FOXP2: variants seen among roughly 807,000 people sequenced by gnomAD.
FOXP2 encodes forkhead box P2, also known as forkhead box protein P2.
Under a neutral mutation model 115.8 loss-of-function variants are expected in FOXP2, and 12 were observed. The observed-to-expected ratio is 0.10, with a 90% confidence interval of 0.07 to 0.17. The LOEUF (loss-of-function observed/expected upper bound fraction) is 0.17, where lower values mean the gene tolerates loss of function less well. Ranked by LOEUF, FOXP2 falls within the 10% of genes least tolerant of loss-of-function variation. FOXP2 has a pLI of 1.00. For missense variants in FOXP2, 629 were observed against 843.5 expected, an observed-to-expected ratio of 0.75 and a Z score of 3.15; for synonymous variants, 328 against 297.7, an observed-to-expected ratio of 1.10 and a Z score of -1.05.
intron 1 of FOXP2, among the ~76,000 whole-genome samples, chr7:114,194,841 A>G (rs1793861293): frequency 6.6e-6 from 1 of 152,314 alleles, no homozygotes; most frequent in East Asian, 1.9e-4. Context: ...ATTAGCTGGA[A>G]TACATTTATA....
chr7:114,302,322 C>T (rs1198745938), intron 2 of FOXP2, among the ~76,000 whole-genome samples: 1 of 152,032 alleles, frequency 6.6e-6, no homozygotes, highest in Admixed American at 6.6e-5. Context: ...GGTAAAACCA[C>T]TGGGTTTTAT....
chr7:114,620,303 C>T (rs1040988397), intron 3 of FOXP2, among the ~76,000 whole-genome samples: 19 of 152,004 alleles, frequency 1.2e-4, no homozygotes, highest in African/African-American at 4.3e-4. Context: ...AAGCAATAAA[C>T]GAATTATACA....
intron 2 of FOXP2, among the ~76,000 whole-genome samples, chr7:114,469,310 C>T (rs1350646418): frequency 6.6e-6 from 1 of 152,034 alleles, no homozygotes; most frequent in East Asian, 1.9e-4. Flanking sequence ...AATATTACAC[C>T]ATGATATATG....
intron 3 of FOXP2, among the ~76,000 whole-genome samples, chr7:114,558,565 GTC>G (rs1800582556): frequency 1.3e-5 from 2 of 152,092 alleles, no homozygotes; most frequent in African/African-American, 4.8e-5. Context: ...TTATGGGACT[GTC>G]TCTGCTTCTC....
chr7:114,566,260 T>C lies in FOXP2; in HGVS notation c.258+31554T>C, dbSNP rs144529486. On this transcript the variant is annotated intron_variant, in intron 3 of 16. Transcript: ENST00000350908. ...TCTTGACTAGCTGAACATTGATGTT[T>C]TCATTTTTTCACTTTTAAAATGTAG... Among the ~76,000 whole-genome samples, 44 of 152,294 alleles carry C rather than the reference T, an allele frequency of 2.9e-4. No individual in the cohort carries two copies. In the East Asian group the frequency reaches 7.7e-3, roughly 27 times the overall value.
intron 7 of FOXP2, among the ~76,000 whole-genome samples, chr7:114,642,953 C>T (rs923489406): frequency 6.6e-5 from 10 of 150,386 alleles, no homozygotes; most frequent in Non-Finnish European, 1.3e-4. Context: ...GGACTACAGG[C>T]GCCCGCCCCC....
chr7:114,396,733 C>T (rs1431386720), intron 2 of FOXP2, among the ~76,000 whole-genome samples: 2 of 151,776 alleles, frequency 1.3e-5, no homozygotes, highest in Non-Finnish European at 1.5e-5. Context: ...TTCAGTTAGA[C>T]AGCAGGCATA....
At chr7:114,095,561 T>G (rs1485164762) in intron 1 of FOXP2, among the ~76,000 whole-genome samples, 5 of 151,872 alleles carry the variant, frequency 3.3e-5, no homozygotes, top group South Asian at 2.1e-4. Context: ...GGTAAGACAA[T>G]GAGAGAAGGT....
At chr7:114,332,587 T>C (rs1797739540) in intron 2 of FOXP2, among the ~76,000 whole-genome samples, 1 of 152,100 alleles carries the variant, frequency 6.6e-6, no homozygotes, top group Admixed American at 6.5e-5. Flanking sequence ...TACTGTATTT[T>C]ATTTGTCTTT....
At chr7:114,541,766 G>A (rs928850413) in intron 3 of FOXP2, among the ~76,000 whole-genome samples, 8 of 150,740 alleles carry the variant, frequency 5.3e-5, no homozygotes, top group East Asian at 3.9e-4. Context: ...CCAAATTTTC[G>A]CTTTTCTTAG....
chr7:114,219,584 G>A (rs1049701394), intron 1 of FOXP2, among the ~76,000 whole-genome samples: 1 of 152,080 alleles, frequency 6.6e-6, no homozygotes, highest in Non-Finnish European at 1.5e-5. Flanking sequence ...TTTATTTTGT[G>A]AATATAGTTT....
intron 3 of FOXP2, among the ~76,000 whole-genome samples, chr7:114,611,700 G>C (rs540639234): frequency 4.6e-4 from 70 of 152,008 alleles, no homozygotes; most frequent in African/African-American, 1.7e-3. Context: ...CGCTATAATC[G>C]CAATTCCTTT....
intron 2 of FOXP2, among the ~76,000 whole-genome samples, chr7:114,337,594 A>G (rs1311953611): frequency 6.6e-6 from 1 of 151,228 alleles, no homozygotes; most frequent in Non-Finnish European, 1.5e-5. Context: ...AAGTTATAAA[A>G]GGATATTAAT....
intron 2 of FOXP2, among the ~76,000 whole-genome samples, chr7:114,309,069 TTTGGA>T (rs1348120050): frequency 2.0e-5 from 3 of 152,110 alleles, no homozygotes; most frequent in Non-Finnish European, 4.4e-5. Flanking sequence ...AGCAAACAGT[TTTGGA>T]AGATAGAGAT....
chr7:114,610,285 ATGAT>A (rs1017824837), intron 3 of FOXP2, among the ~76,000 whole-genome samples: 8 of 152,222 alleles, frequency 5.3e-5, no homozygotes, highest in Admixed American at 6.5e-5. Flanking sequence ...TATCTACAAA[ATGAT>A]TGAGCTTTGA....
At chr7:114,523,801 A>T (rs1311438137) in intron 2 of FOXP2, among the ~76,000 whole-genome samples, 2 of 152,170 alleles carry the variant, frequency 1.3e-5, no homozygotes, top group East Asian at 3.9e-4. Flanking sequence ...AACGCAGCCT[A>T]AGCCCTCAAG....
chr7:114,248,293 A>G (rs1197423595), intron 1 of FOXP2, among the ~76,000 whole-genome samples: 1 of 152,154 alleles, frequency 6.6e-6, no homozygotes, highest in East Asian at 1.9e-4. Context: ...GCACATCCAC[A>G]TTGAGGAGAC....
chr7:114,110,098 A>G (rs745558629), intron 1 of FOXP2, among the ~76,000 whole-genome samples: 2 of 152,144 alleles, frequency 1.3e-5, no homozygotes, highest in Non-Finnish European at 2.9e-5. Context: ...TCACAGAGCA[A>G]CATCTTGTTT....
intron 3 of FOXP2, among the ~76,000 whole-genome samples, chr7:114,625,897 A>G (rs946395039): frequency 5.9e-5 from 9 of 151,768 alleles, no homozygotes; most frequent in Non-Finnish European, 7.4e-5. Flanking sequence ...TTTTCTACCT[A>G]TATAATTAAT....
Sources: gnomAD v4.1 joint callset for allele counts (sites outside exome capture counted in the v4.1 genomes callset) on GRCh38, gnomAD v4.1.1 for gene constraint, MANE v1.5 for transcripts, NCBI Gene and HGNC (gene_info 2026-07-23, HGNC 2026-07-21) for gene names.